The following RBMS3 variants were observed in gnomAD, a reference collection of about 807,000 sequenced individuals.
RBMS3 encodes RNA-binding motif, single-stranded-interacting protein 3.
In RBMS3, 27 loss-of-function variants were observed where a neutral mutation model predicts 66.8. The observed-to-expected ratio is 0.40, with a 90% confidence interval of 0.30 to 0.56. The LOEUF is 0.56. Ranked by LOEUF, RBMS3 falls within the 20% of genes least tolerant of loss-of-function variation. RBMS3 has a pLI of 0.40. For missense variants in RBMS3, 513 were observed against 549.5 expected, an observed-to-expected ratio of 0.93 and a Z score of 0.66; for synonymous variants, 188 against 183.0, an observed-to-expected ratio of 1.03 and a Z score of -0.22.
chr3:29,407,325 C>T (rs2040066416), intron 1 of RBMS3, among the ~76,000 whole-genome samples: 1 of 152,048 alleles, frequency 6.6e-6, no homozygotes, highest in African/African-American at 2.4e-5. Context: ...ATAACTTCTC[C>T]CAAAGTCACC....
In RBMS3 at chr3:29,936,179, T is replaced by C. The variant is rs1013752848; in HGVS notation, c.1033T>C (p.Leu345=). Residue 345 remains leucine (L), a synonymous_variant, in exon 11 of 15, where the codon TTG becomes CTG. Coordinates refer to ENST00000383767, the MANE Select transcript of RBMS3 (RefSeq NM_001003793.3). ...PLTQQMNHLS[L]GTTGTIQSQD... Reference sequence around the variant, plus strand: ...GACACAGCAGATGAATCACCTTTCGTTGGGCACAACAGGAACGGTGAGTTG... The same window carrying C: ...GACACAGCAGATGAATCACCTTTCGCTGGGCACAACAGGAACGGTGAGTTG... The C allele has an allele frequency of 3.1e-6, 5 of 1,612,902 alleles. No individual in the cohort carries two copies. Among genetic ancestry groups the C allele is most frequent in the East Asian group, 2.2e-5 (1 of 44,850 alleles).
chr3:29,317,476 T>C (rs755751346), intron 1 of RBMS3, among the ~76,000 whole-genome samples: 5 of 151,680 alleles, frequency 3.3e-5, no homozygotes, highest in Non-Finnish European at 5.9e-5. Context: ...ACAGAAGGAA[T>C]GTGTAATGAA....
At chr3:30,003,355 C>T (rs747165478) in intron 14 of RBMS3, among the ~76,000 whole-genome samples, 3 of 151,906 alleles carry the variant, frequency 2.0e-5, no homozygotes, top group Non-Finnish European at 4.4e-5. Flanking sequence ...AATTTATAAT[C>T]TTGACAGGGG....
intron 4 of RBMS3, among the ~76,000 whole-genome samples, chr3:29,657,415 C>T (rs2050363753): frequency 6.6e-6 from 1 of 152,130 alleles, no homozygotes; most frequent in South Asian, 2.1e-4. Flanking sequence ...GCATTCTCCA[C>T]CTTATTACTT....
At chr3:29,327,389 G>T (rs148370707) in intron 1 of RBMS3, among the ~76,000 whole-genome samples, 10 of 152,236 alleles carry the variant, frequency 6.6e-5, no homozygotes, top group African/African-American at 2.4e-4. Flanking sequence ...AATTGTAAAA[G>T]TTAAGGCTAC....
In RBMS3 at chr3:30,006,692, T is replaced by A. The variant is rs1181135501; in HGVS notation, c.*2830T>A. The A allele has an allele frequency of 6.6e-6, 1 of 151,970 alleles. No individual in the cohort carries two copies. Among genetic ancestry groups the A allele is most frequent in the Non-Finnish European group, 1.5e-5 (1 of 67,892 alleles). 9.4% of individuals were successfully genotyped at this position (151,970 alleles called of 1,614,324 possible). A position where few individuals can be genotyped will look rare whatever the true frequency, so the allele number is the denominator to read the frequency against. Reference sequence around the variant, plus strand: ...AAGGATTATCCTGGGCATAATTCATTTGAATATGAAACCAACATACTTTCT... The same window carrying A: ...AAGGATTATCCTGGGCATAATTCATATGAATATGAAACCAACATACTTTCT... On this transcript the variant is annotated 3_prime_UTR_variant, in exon 15 of 15. Coordinates refer to ENST00000383767, the MANE Select transcript of RBMS3 (RefSeq NM_001003793.3).
At chr3:29,647,370 T>G (rs970519104) in intron 4 of RBMS3, among the ~76,000 whole-genome samples, 2 of 152,312 alleles carry the variant, frequency 1.3e-5, no homozygotes, top group South Asian at 4.1e-4. Context: ...TGGATACTGC[T>G]GCCTGTTGTC....
At chr3:29,645,279 G>T (rs1414355668) in intron 4 of RBMS3, among the ~76,000 whole-genome samples, 3 of 152,172 alleles carry the variant, frequency 2.0e-5, no homozygotes, top group South Asian at 2.1e-4. Context: ...GAGTGATTGT[G>T]ATCTGCAAAT....
chr3:29,835,200 A>G (rs1431335881), intron 6 of RBMS3, among the ~76,000 whole-genome samples: 2 of 152,052 alleles, frequency 1.3e-5, no homozygotes, highest in Non-Finnish European at 2.9e-5. Flanking sequence ...GGGAACTTCA[A>G]TACCCAACTC....
At chr3:29,500,586 C>A (rs1054974565) in intron 3 of RBMS3, among the ~76,000 whole-genome samples, 2 of 151,868 alleles carry the variant, frequency 1.3e-5, no homozygotes, top group Admixed American at 6.6e-5. Context: ...TTTAGATATA[C>A]AAATACTTAT....
intron 4 of RBMS3, among the ~76,000 whole-genome samples, chr3:29,724,470 A>T (rs1436628683): frequency 6.6e-6 from 1 of 152,110 alleles, no homozygotes; most frequent in Non-Finnish European, 1.5e-5. Context: ...TCCATTTTTC[A>T]GTCAAGGAAA....
Position 29,691,949 on chromosome 3 carries a change from A to ATTTTTTTTTT in RBMS3, c.400-47762_400-47753dup, listed in dbSNP as rs1294126975. Among the ~76,000 whole-genome samples, 318 of 64,966 alleles carry ATTTTTTTTTT rather than the reference A, an allele frequency of 4.9e-3. 64 individuals carry two copies. Among genetic ancestry groups the ATTTTTTTTTT allele is most frequent in the African/African-American group, 5.7e-3 (93 of 16,344 alleles). 42.6% of individuals were successfully genotyped at this position (64,966 alleles called of 152,430 possible). On this transcript the variant is annotated intron_variant, in intron 4 of 14. Transcript: ENST00000383767. Reference sequence around the variant, plus strand: ...GTGACCCTTCTCTCTCTCTCTCTCTATTTTTTTTTTTTTTTTTTGAGATGG... The same window carrying ATTTTTTTTTT: ...GTGACCCTTCTCTCTCTCTCTCTCTATTTTTTTTTTTTTTTTTTTTTTTTTTTTGAGATGG...
At chr3:29,771,706 C>T (rs2056209032) in intron 6 of RBMS3, among the ~76,000 whole-genome samples, 1 of 151,900 alleles carries the variant, frequency 6.6e-6, no homozygotes, top group South Asian at 2.1e-4. Flanking sequence ...GCTCCTGGTT[C>T]CACAGGGTGT....
Position 29,812,941 on chromosome 3 carries a change from C to T in RBMS3, c.637+49952C>T, listed in dbSNP as rs886147362. ...GTATGCATATCACAGATGTACAACGCACACACATATGCATATATAAAATAT... is the reference window on the plus strand; with the variant it reads ...GTATGCATATCACAGATGTACAACGTACACACATATGCATATATAAAATAT... On this transcript the variant is annotated intron_variant, in intron 6 of 14. Transcript: ENST00000383767. Among the ~76,000 whole-genome samples the T allele has an allele frequency of 3.3e-5, 5 of 152,108 alleles. No homozygotes were observed. In the East Asian group the frequency reaches 9.7e-4, roughly 29 times the overall value.
chr3:29,991,307 A>G, intron 14 of RBMS3, 98 bp downstream of exon 14: 1 of 1,551,700 alleles, frequency 6.4e-7, no homozygotes, highest in Non-Finnish European at 8.7e-7. Flanking sequence ...AATATAAACC[A>G]TCCCAAACTT....
At chr3:29,397,397 A>G (rs1021083029) in intron 1 of RBMS3, among the ~76,000 whole-genome samples, 3 of 152,152 alleles carry the variant, frequency 2.0e-5, no homozygotes, top group Non-Finnish European at 4.4e-5. Flanking sequence ...CTTTATGTAA[A>G]TTCACATCAA....
At chr3:29,754,502 C>G (rs2055321654) in intron 5 of RBMS3, among the ~76,000 whole-genome samples, 1 of 152,180 alleles carries the variant, frequency 6.6e-6, no homozygotes, top group South Asian at 2.1e-4. Context: ...TGACTGACCT[C>G]CGCTGACTCC....
At chr3:29,608,101 A>G (rs1270395264) in intron 4 of RBMS3, among the ~76,000 whole-genome samples, 4 of 151,766 alleles carry the variant, frequency 2.6e-5, no homozygotes, top group Non-Finnish European at 5.9e-5. Context: ...CTTCAAGAAT[A>G]CATTATATTA....
intron 3 of RBMS3, among the ~76,000 whole-genome samples, chr3:29,563,760 C>T (rs1476428171): frequency 6.6e-6 from 1 of 152,046 alleles, no homozygotes; most frequent in African/African-American, 2.4e-5. Flanking sequence ...CGTGGTGACT[C>T]ATGGCTATAA....
Sources: gnomAD v4.1 joint callset for allele counts (sites outside exome capture counted in the v4.1 genomes callset) on GRCh38, gnomAD v4.1.1 for gene constraint, MANE v1.5 for transcripts, NCBI Gene and HGNC (gene_info 2026-07-23, HGNC 2026-07-21) for gene names.